The following PCDH11X variants were observed in gnomAD, a reference collection of about 807,000 sequenced individuals.
PCDH11X encodes the protein protocadherin-11 X-linked.
PCDH11X carries 18 observed loss-of-function variants against 53.3 expected under a neutral mutation model. The ratio of observed to expected loss-of-function variants is 0.34; its 90% confidence interval spans 0.23 to 0.50. The LOEUF (loss-of-function observed/expected upper bound fraction) is 0.50, where lower values mean the gene tolerates loss of function less well. Among genes scored for constraint, PCDH11X ranks in the 20% least tolerant of loss-of-function variants. The pLI is 0.98. For missense variants in PCDH11X, 570 were observed against 1,032.4 expected (o/e 0.55, Z 6.14); for synonymous variants, 279 against 393.3 (o/e 0.71, Z 3.44).
intron 6 of PCDH11X, among the ~76,000 whole-genome samples, chrX:91,895,962 TG>T (rs2147776125): frequency 9.9e-6 from 1 of 100,789 alleles, no homozygotes; most frequent in East Asian, 3.1e-4. Flanking sequence ...TGTACGTGTA[TG>T]TAATACACGT....
intron 8 of PCDH11X, among the ~76,000 whole-genome samples, chrX:92,355,150 G>T (rs1162094322): frequency 9.5e-6 from 1 of 105,159 alleles, no homozygotes; most frequent in Non-Finnish European, 1.9e-5. Context: ...TTATTAGGCC[G>T]GGCGCGGTGG....
At chrX:92,395,283 T>G (rs966792343) in intron 9 of PCDH11X, among the ~76,000 whole-genome samples, 2 of 111,824 alleles carry the variant, frequency 1.8e-5, no homozygotes, top group African/African-American at 6.5e-5. Context: ...CCTGAAAGGC[T>G]GGTAATTTTA....
At chrX:91,999,289 T>A (rs1460931393) in intron 6 of PCDH11X, among the ~76,000 whole-genome samples, 2 of 111,924 alleles carry the variant, frequency 1.8e-5, no homozygotes, top group Non-Finnish European at 3.8e-5. Flanking sequence ...AAATTTATTT[T>A]GATTAATGGG....
At chrX:92,125,116 C>T (rs191687492) in intron 6 of PCDH11X, among the ~76,000 whole-genome samples, 1,463 of 111,580 alleles carry the variant, frequency 0.013, 19 homozygotes, top group African/African-American at 0.044. Context: ...AGGCAGGCAA[C>T]ATTTAGTTCT....
At position 92,369,355 on chromosome X, in the gene PCDH11X, C is replaced by A. The variant is rs187587066; in HGVS notation, c.3145-18380C>A. The stretch of plus-strand genomic sequence containing the variant: ...ATAAAGCCTCAGTAATGGCGGATGC[C>A]CCTCTCCCCACCAAGCTCGATCATC... On this transcript the variant is annotated intron_variant, in intron 8 of 10. Coordinates refer to ENST00000682573, the MANE Select transcript of PCDH11X (RefSeq NM_032968.5). Among the ~76,000 whole-genome samples the A allele has an allele frequency of 4.5e-5, 5 of 111,080 alleles. No homozygotes were observed. The East Asian group carries it at 1.4e-3, about 32-fold the overall frequency.
intron 10 of PCDH11X, among the ~76,000 whole-genome samples, chrX:92,584,789 C>CTT (rs1171667582): frequency 0.088 from 5,735 of 65,070 alleles, 332 homozygotes; most frequent in Admixed American, 0.18. Flanking sequence ...TCTTTTTTTC[C>CTT]TTTTTTTTTT....
At chrX:92,435,880 C>G (rs1056298209) in intron 9 of PCDH11X, among the ~76,000 whole-genome samples, 1 of 109,500 alleles carries the variant, frequency 9.1e-6, no homozygotes, top group Non-Finnish European at 1.9e-5. Flanking sequence ...ATCACACAAA[C>G]AAGCCAGCAT....
chrX:91,786,094 G>A (rs1935327795), intron 1 of PCDH11X, among the ~76,000 whole-genome samples: 1 of 111,715 alleles, frequency 9.0e-6, no homozygotes, highest in Non-Finnish European at 1.9e-5. Flanking sequence ...AATTATAGAT[G>A]TACCTGTTAT....
intron 10 of PCDH11X, among the ~76,000 whole-genome samples, chrX:92,580,774 C>G (rs1384348660): frequency 2.7e-5 from 3 of 111,867 alleles, no homozygotes; most frequent in Non-Finnish European, 5.6e-5. Flanking sequence ...AAGGGATCTC[C>G]TGATCAGCGG....
At chrX:91,886,778 T>C (rs1328376265) in intron 6 of PCDH11X, among the ~76,000 whole-genome samples, 5 of 108,798 alleles carry the variant, frequency 4.6e-5, no homozygotes, top group Admixed American at 3.0e-4. Flanking sequence ...GAGACCATCC[T>C]GGCTAACACA....
intron 6 of PCDH11X, among the ~76,000 whole-genome samples, chrX:91,898,054 T>G (rs768571145): frequency 9.0e-6 from 1 of 111,405 alleles, no homozygotes; most frequent in South Asian, 3.8e-4. Context: ...GATCTTCATC[T>G]TTCTAGTGAT....
chrX:92,149,527 C>T (rs1262669780), intron 6 of PCDH11X, among the ~76,000 whole-genome samples: 2 of 106,483 alleles, frequency 1.9e-5, no homozygotes, highest in African/African-American at 7.0e-5. Context: ...GGCATAATCA[C>T]AAACCAAATT....
At chrX:92,412,015 A>G (rs965185987) in intron 9 of PCDH11X, among the ~76,000 whole-genome samples, 7 of 34,233 alleles carry the variant, frequency 2.0e-4, no homozygotes, top group East Asian at 1.9e-3. Context: ...AAGAAGAAGA[A>G]GAGGAGGAGG....
chrX:92,473,075 C>A (rs1208420281), intron 10 of PCDH11X, among the ~76,000 whole-genome samples: 2 of 107,012 alleles, frequency 1.9e-5, no homozygotes, highest in Admixed American at 2.0e-4. Flanking sequence ...ATGTCATCTG[C>A]AAACAGAGAT....
intron 10 of PCDH11X, among the ~76,000 whole-genome samples, chrX:92,491,447 T>C (rs1308145938): frequency 4.5e-5 from 5 of 110,165 alleles, no homozygotes; most frequent in Non-Finnish European, 9.5e-5. Flanking sequence ...TATTTATGTA[T>C]TTATTTTTAT....
At chrX:92,451,713 G>A (rs923621924) in intron 9 of PCDH11X, among the ~76,000 whole-genome samples, 70 of 111,969 alleles carry the variant, frequency 6.3e-4, no homozygotes, top group African/African-American at 2.0e-3. Flanking sequence ...GATTGACTTA[G>A]CGAGGAGCCA....
At chrX:91,801,067 G>A (rs1272227310) in intron 1 of PCDH11X, among the ~76,000 whole-genome samples, 1 of 103,692 alleles carries the variant, frequency 9.6e-6, no homozygotes, top group East Asian at 3.1e-4. Flanking sequence ...GTAGACCAAG[G>A]TACTCTGGAG....
intron 7 of PCDH11X, among the ~76,000 whole-genome samples, chrX:92,226,368 G>A (rs2066971588): frequency 9.0e-6 from 1 of 111,503 alleles, no homozygotes; most frequent in Non-Finnish European, 1.9e-5. Context: ...GAGAAATCTA[G>A]CAAGGCCTAT....
intron 6 of PCDH11X, among the ~76,000 whole-genome samples, chrX:92,078,005 G>A (rs2063801498): frequency 9.1e-6 from 1 of 109,727 alleles, no homozygotes; most frequent in East Asian, 2.9e-4. Flanking sequence ...GAATATTACT[G>A]TTATTATTAG....
Sources: gnomAD v4.1 joint callset for allele counts (sites outside exome capture counted in the v4.1 genomes callset) on GRCh38, gnomAD v4.1.1 for gene constraint, MANE v1.5 for transcripts, NCBI Gene and HGNC (gene_info 2026-07-23, HGNC 2026-07-21) for gene names.